The following RORA variants were observed in gnomAD, a reference collection of about 807,000 sequenced individuals.
RORA encodes RAR related orphan receptor A.
A neutral mutation model predicts 69.5 loss-of-function variants in RORA; 7 were observed. The ratio of observed to expected loss-of-function variants is 0.10; its 90% CI spans 0.06 to 0.19. RORA has a LOEUF of 0.19. Ranked by LOEUF, RORA falls within the 10% of genes least tolerant of loss-of-function variation. The pLI is 1.00. For synonymous variants in RORA, 261 were observed against 240.8 expected, an observed-to-expected ratio of 1.08 and a Z score of -0.78; for missense variants, 457 against 663.0, an observed-to-expected ratio of 0.69 and a Z score of 3.41.
At chr15:61,074,119 G>A (rs1053441383) in intron 1 of RORA, among the ~76,000 whole-genome samples, 1 of 152,124 alleles carries the variant, frequency 6.6e-6, no homozygotes, top group Non-Finnish European at 1.5e-5. Flanking sequence ...ATCATGAAGA[G>A]CAAAAAAGCT....
intron 6 of RORA, among the ~76,000 whole-genome samples, chr15:60,504,039 G>T (rs1376202855): frequency 6.6e-6 from 1 of 151,992 alleles, no homozygotes; most frequent in Non-Finnish European, 1.5e-5. Context: ...CGGACCTCAA[G>T]TGTTGTCTGC....
intron 5 of RORA, chr15:60,510,344 G>A (rs1275904521): frequency 2.0e-5 from 3 of 152,072 alleles, no homozygotes; most frequent in Admixed American, 6.5e-5. Flanking sequence ...ATATAGCAGC[G>A]GATGTTAACA....
chr15:60,978,116 A>G (rs897141654), intron 1 of RORA, among the ~76,000 whole-genome samples: 1 of 141,012 alleles, frequency 7.1e-6, no homozygotes, highest in African/African-American at 2.6e-5. Flanking sequence ...ATCTTCTTCA[A>G]TCTTTCTTAT....
chr15:60,825,134 T>C (rs1336062267), intron 1 of RORA, among the ~76,000 whole-genome samples: 1 of 152,208 alleles, frequency 6.6e-6, no homozygotes, highest in Non-Finnish European at 1.5e-5. Context: ...ATCAGAGGTA[T>C]CTGTTGTCAA....
At chr15:60,502,532 A>G (rs2065362757) in intron 8 of RORA, among the ~76,000 whole-genome samples, 1 of 152,224 alleles carries the variant, frequency 6.6e-6, no homozygotes, top group Admixed American at 6.5e-5. Context: ...CCCTTTGATT[A>G]CCAACTAGAT....
chr15:60,529,058 C>G (rs1000212484), intron 3 of RORA: 1 of 152,210 alleles, frequency 6.6e-6, no homozygotes, highest in Admixed American at 6.5e-5. Flanking sequence ...CAATGCTTAG[C>G]AACTATGTGC....
intron 2 of RORA, among the ~76,000 whole-genome samples, chr15:60,664,097 A>G (rs1439250565): frequency 6.6e-6 from 1 of 152,202 alleles, no homozygotes; most frequent in Non-Finnish European, 1.5e-5. Flanking sequence ...CTCCTAAATG[A>G]TACTGTCCCT....
intron 2 of RORA, among the ~76,000 whole-genome samples, chr15:60,671,200 A>G (rs2070464047): frequency 6.6e-6 from 1 of 151,466 alleles, no homozygotes; most frequent in Non-Finnish European, 1.5e-5. Context: ...TGTGGCAATG[A>G]AAGTTATAAA....
At chr15:60,925,093 T>TTAA (rs369696735) in intron 1 of RORA, among the ~76,000 whole-genome samples, 4 of 139,980 alleles carry the variant, frequency 2.9e-5, no homozygotes, top group African/African-American at 1.1e-4. Context: ...ATAAATAAAT[T>TTAA]AATAAAATAA....
chr15:60,922,811 A>G (rs1892093335), intron 1 of RORA, among the ~76,000 whole-genome samples: 1 of 152,264 alleles, frequency 6.6e-6, no homozygotes, highest in South Asian at 2.1e-4. Flanking sequence ...CTTTAGAACC[A>G]TGGATGGTTG....
At position 60,833,095 on chromosome 15, in the gene RORA, A is replaced by G. The variant is rs537687257; in HGVS notation, c.167-154409T>C. 2.5e-3 allele frequency among the ~76,000 whole-genome samples: 381 copies of G among 151,546 alleles called. 1 individual carries two copies. The highest frequency in any genetic ancestry group is 4.2e-3 in the Non-Finnish European group (284 of 67,836). On this transcript the variant is annotated intron_variant, in intron 1 of 10. Coordinates refer to ENST00000335670, the MANE Select transcript of RORA (RefSeq NM_134261.3). Reference sequence around the variant, plus strand: ...AATTTTTTGTATTTTTAGTAGAGACAGGGTTTCACCGTGTTAGCCAGGATG... The same window carrying G: ...AATTTTTTGTATTTTTAGTAGAGACGGGGTTTCACCGTGTTAGCCAGGATG...
At chr15:60,883,254 C>T (rs1412045624) in intron 1 of RORA, among the ~76,000 whole-genome samples, 1 of 150,558 alleles carries the variant, frequency 6.6e-6, no homozygotes, top group Non-Finnish European at 1.5e-5. Context: ...GTGAGCACAG[C>T]AAGAACAGCA....
At chr15:60,933,561 C>A (rs1228914458) in intron 1 of RORA, among the ~76,000 whole-genome samples, 1 of 152,048 alleles carries the variant, frequency 6.6e-6, no homozygotes, top group Non-Finnish European at 1.5e-5. Flanking sequence ...ACGCATTATT[C>A]TGAATCGCAG....
At chr15:61,041,536 G>A (rs1376571151) in intron 1 of RORA, among the ~76,000 whole-genome samples, 1 of 152,126 alleles carries the variant, frequency 6.6e-6, no homozygotes, top group Non-Finnish European at 1.5e-5. Flanking sequence ...GAAATTCATT[G>A]GTTCATTTTA....
chr15:60,564,542 G>T (rs1001118977), intron 2 of RORA, among the ~76,000 whole-genome samples: 3 of 152,100 alleles, frequency 2.0e-5, no homozygotes, highest in Admixed American at 6.5e-5. Flanking sequence ...TAAACTGAGG[G>T]TGACAAAAGA....
chr15:60,741,335 C>T (rs2071573125), intron 1 of RORA, among the ~76,000 whole-genome samples: 6 of 152,178 alleles, frequency 3.9e-5, no homozygotes, highest in Admixed American at 2.6e-4. Context: ...GCTTCTCCTT[C>T]CCTCAAAGGA....
chr15:60,881,779 C>CA (rs1567224098), intron 1 of RORA, among the ~76,000 whole-genome samples: 1 of 151,982 alleles, frequency 6.6e-6, no homozygotes, highest in South Asian at 2.1e-4. Context: ...GGCCATTCAC[C>CA]AAAAAAGAGT....
chr15:61,027,796 C>T (rs1895908959), intron 1 of RORA, among the ~76,000 whole-genome samples: 1 of 152,108 alleles, frequency 6.6e-6, no homozygotes, highest in Non-Finnish European at 1.5e-5. Flanking sequence ...GGGATAAAGG[C>T]CAAATTACAT....
chr15:60,797,678 C>T (rs1394485561), intron 1 of RORA, among the ~76,000 whole-genome samples: 1 of 152,148 alleles, frequency 6.6e-6, no homozygotes, highest in African/African-American at 2.4e-5. Flanking sequence ...GCCAAGGACA[C>T]CGGTGTCATT....
Sources: allele counts gnomAD v4.1 joint callset (sites outside exome capture counted in the v4.1 genomes callset), GRCh38; gene constraint gnomAD v4.1.1; transcripts MANE v1.5; gene names NCBI Gene and HGNC (gene_info 2026-07-23, HGNC 2026-07-21).